The following TTLL10 variants were observed in gnomAD, a reference collection of about 807,000 sequenced individuals.
TTLL10 encodes inactive polyglycylase TTLL10.
Under a neutral mutation model 69.0 loss-of-function variants are expected in TTLL10, and 61 were observed. That is an observed-to-expected ratio of 0.88 (90% CI 0.72 to 1.09). The LOEUF (loss-of-function observed/expected upper bound fraction) is 1.09. Among genes scored for constraint, TTLL10 ranks in the 50% least tolerant of loss-of-function variants. The pLI is 0.00. For synonymous variants in TTLL10, 408 were observed against 393.3 expected, an observed-to-expected ratio of 1.04 and a Z score of -0.44; for missense variants, 962 against 945.9, an observed-to-expected ratio of 1.02 and a Z score of -0.22.
At chr1:1,196,366 C>T in intron 13 of TTLL10, 1 of 519,964 alleles carries the variant, frequency 1.9e-6, no homozygotes, top group Non-Finnish European at 3.5e-6. Flanking sequence ...TGTGAGTTTT[C>T]CTCACTCTCG....
Position 1,181,761 on chromosome 1 carries a change from C to A in TTLL10, c.776C>A (p.Ala259Glu). 6.2e-7 allele frequency: 1 copy of A among 1,606,716 alleles called. No individual in the cohort carries two copies. Among genetic ancestry groups the A allele is most frequent in the Non-Finnish European group, 8.5e-7 (1 of 1,177,752 alleles). ...TGCAGGCTGGAAAAGGACGCAGCAG[C>A]GCCCGCCCTGGAGGACCTCCCGTGG... ...VQARLEKDAA[A>E]PALEDLPWTS... Residue 259 changes from alanine to glutamate, a missense_variant, in exon 9 of 16, where the codon GCG (alanine) becomes GAG (glutamate). By Grantham distance (107) the Ala-to-Glu change is moderately radical (BLOSUM62 -1). Transcript: ENST00000379289. The surrounding 1 kb of genome is among the most constrained non-coding windows in gnomAD (Gnocchi z 4.6).
chr1:1,179,068 C>A, intron 3 of TTLL10, 121 bp from the exon 4 acceptor site: 1 of 651,966 alleles, frequency 1.5e-6, no homozygotes, highest in African/African-American at 1.9e-5. Context: ...CTCAAGCCCA[C>A]GGCCCTGGGA....
At chr1:1,180,010 G>A (rs956288725) in intron 5 of TTLL10, 24 bp from the exon 6 acceptor site, 34 of 1,499,626 alleles carry the variant, frequency 2.3e-5, no homozygotes, top group Middle Eastern at 1.8e-4. Flanking sequence ...TAGCCACCCC[G>A]GTGGGACCCC....
At position 1,180,282 on chromosome 1, in the gene TTLL10, C is replaced by A. The variant is rs757550852; in HGVS notation, c.448C>A (p.Pro150Thr). The stretch of plus-strand genomic sequence containing the variant: ...CCTGCTGGGGGGTGGGAAGCCATCG[C>A]CCCACAGCACCCGGCCGGGGCCCTT... ...GLLLGGGKPSPHSTRPGPFFY... is the reference protein window; with the variant it reads ...GLLLGGGKPSTHSTRPGPFFY... The change falls in exon 6 of 16, where the codon CCC becomes ACC. Residue 150 changes from proline to threonine, a missense_variant. By Grantham distance (38) the Pro-to-Thr change is conservative. Coordinates refer to ENST00000379289, the MANE Select transcript of TTLL10 (RefSeq NM_001130045.2). 6.3e-7 allele frequency: 1 copy of A among 1,593,376 alleles called. No homozygotes were observed. The highest frequency in any genetic ancestry group is 1.1e-5 in the South Asian group (1 of 88,450).
At position 1,181,009 on chromosome 1, in the gene TTLL10, A is replaced by AGCCCCTGCCCCGGCCCCTGAACCC; in HGVS notation, c.755+160_755+161insGGCCCCTGAACCCGCCCCTGCCCC. On this transcript the variant is annotated intron_variant, in intron 8 of 15. Coordinates refer to ENST00000379289, the MANE Select transcript of TTLL10 (RefSeq NM_001130045.2). This position sits in a 1 kb window ranked among gnomAD's most constrained non-coding sequence, Gnocchi z 4.6. ...CCACCCAGGCTCCCAGGCTGGCTCC[A>AGCCCCTGCCCCGGCCCCTGAACCC]GCCCCTGCCCCTGCCCTTGCCCCTG... is the stretch of plus-strand genomic sequence containing the variant. 1 of 592,980 alleles carries AGCCCCTGCCCCGGCCCCTGAACCC rather than the reference A, an allele frequency of 1.7e-6. No individual in the cohort carries two copies. Among genetic ancestry groups the AGCCCCTGCCCCGGCCCCTGAACCC allele is most frequent in the Non-Finnish European group, 2.5e-6 (1 of 396,478 alleles). 36.7% of individuals were successfully genotyped at this position (592,980 alleles called of 1,614,324 possible).
intron 8 of TTLL10, 111 bp downstream of exon 8, chr1:1,180,971 C>T (rs1345741271): frequency 2.3e-5 from 24 of 1,053,952 alleles, no homozygotes; most frequent in Middle Eastern, 6.6e-4. Context: ...CCTGCCCTTG[C>T]CCCTGCCCCT....
intron 3 of TTLL10, 64 bp downstream of exon 3, chr1:1,174,553 C>A (rs1221139295): frequency 6.6e-6 from 1 of 152,274 alleles, no homozygotes; most frequent in East Asian, 1.9e-4. Flanking sequence ...CGCCTTTACA[C>A]CGTGTCCCCA....
In TTLL10 at chr1:1,180,549, G is replaced by C; in HGVS notation, c.573G>C (p.Thr191=). The C allele has an allele frequency of 6.4e-7, 1 of 1,550,930 alleles. No individual in the cohort carries two copies. The change falls in exon 7 of 16, where the codon ACG becomes ACC. Residue 191 remains threonine (T), a synonymous_variant. Transcript: ENST00000379289. ...ATGACAGCCGCCGGGACGACTACAC[G>C]CTGAAGTGGTGTGAGGTCAAGAGCC... ...RIHDSRRDDY[T]LKWCEVKSRD...
At chr1:1,177,622 A>C (rs1320472298) in intron 3 of TTLL10, among the ~76,000 whole-genome samples, 3 of 151,804 alleles carry the variant, frequency 2.0e-5, no homozygotes, top group South Asian at 2.1e-4. Context: ...TCCTTGTGTC[A>C]CTCTTCTTCA....
rs1298314480 is a variant in TTLL10, at chr1:1,196,654, G to T, written c.1456G>T (p.Asp486Tyr). ...CTTTCTGGCCGCCAAGCCCAAGCTG[G>T]ACTGCAAGCTGGGTTACTTTGACCT... Reference protein sequence around the residue: ...HCFLAAKPKLDCKLGYFDLIG... With the variant: ...HCFLAAKPKLYCKLGYFDLIG... Residue 486 changes from aspartate (D) to tyrosine (Y), a missense_variant, in exon 14 of 16, where the codon GAC becomes TAC. Physicochemically the swap from Asp to Tyr is radical, Grantham distance 160. Transcript: ENST00000379289. 1.9e-5 allele frequency: 30 copies of T among 1,552,026 alleles called. No individual in the cohort carries two copies. Among genetic ancestry groups the T allele is most frequent in the Non-Finnish European group, 2.5e-5 (29 of 1,147,016 alleles).
chr1:1,184,671 G>A (rs965416249), intron 12 of TTLL10, among the ~76,000 whole-genome samples: 7 of 152,080 alleles, frequency 4.6e-5, no homozygotes, highest in African/African-American at 1.2e-4. Flanking sequence ...CTAGGTTAGG[G>A]GGATGTTCTC....
At chr1:1,186,631 A>T (rs1272924759) in intron 13 of TTLL10, among the ~76,000 whole-genome samples, 1 of 152,114 alleles carries the variant, frequency 6.6e-6, no homozygotes, top group Non-Finnish European at 1.5e-5. Context: ...GTTTCTCCAG[A>T]TCTCGCCAAC....
intron 13 of TTLL10, among the ~76,000 whole-genome samples, chr1:1,192,480 C>T (rs148527527): frequency 2.2e-3 from 157 of 72,478 alleles, no homozygotes; most frequent in African/African-American, 7.2e-3. Context: ...CACTCCAGTT[C>T]GTATCAGTGT....
chr1:1,197,747 G>A lies in TTLL10; in HGVS notation c.1922G>A (p.Gly641Asp), dbSNP rs1324633780. ...SAHDGEPQAP[G>D]TEQSGTGNRH... The stretch of plus-strand genomic sequence containing the variant: ...CACGATGGGGAGCCCCAGGCCCCGG[G>A]CACGGAGCAGTCGGGCACAGGCAAC... The change falls in exon 16 of 16, where the codon GGC (glycine) becomes GAC (aspartate). Residue 641 changes from glycine to aspartate, a missense_variant. Coordinates refer to ENST00000379289, the MANE Select transcript of TTLL10 (RefSeq NM_001130045.2). 1.3e-6 allele frequency: 2 copies of A among 1,534,930 alleles called. No individual in the cohort carries two copies. Among genetic ancestry groups the A allele is most frequent in the Admixed American group, 2.0e-5 (1 of 50,478 alleles).
intron 3 of TTLL10, among the ~76,000 whole-genome samples, chr1:1,177,914 C>T (rs1646924384): frequency 6.6e-6 from 1 of 152,152 alleles, no homozygotes; most frequent in Non-Finnish European, 1.5e-5. Context: ...AGGAAGAGGG[C>T]GTGAGGCTCT....
intron 14 of TTLL10, 22 bp from the exon 15 acceptor site, chr1:1,197,071 G>A (rs1053016278): frequency 1.9e-6 from 3 of 1,550,696 alleles, no homozygotes; most frequent in South Asian, 2.4e-5. Flanking sequence ...GGTGAGGAGG[G>A]ACTGACTGGC....
rs1377250243 is a variant in TTLL10, at chr1:1,181,910, C to T, written c.830+95C>T. ...AGGAGAAAGCGGGGCGGGGGTCCCA[C>T]ACAAAGGAAAACCACGAGCTAGAGT... On this transcript the variant is annotated intron_variant, in intron 9 of 15. Coordinates refer to ENST00000379289, the MANE Select transcript of TTLL10 (RefSeq NM_001130045.2). The surrounding 1 kb of genome is among the most constrained non-coding windows in gnomAD (Gnocchi z 4.6). 1.6e-6 allele frequency: 2 copies of T among 1,239,734 alleles called. No homozygotes were observed. The highest frequency in any genetic ancestry group is 1.4e-5 in the South Asian group (1 of 73,134). 76.8% of individuals were successfully genotyped at this position (1,239,734 alleles called of 1,614,324 possible).
chr1:1,180,460 A>ACCCCCCCC, intron 6 of TTLL10, 23 bp from the exon 7 acceptor site: 4 of 1,107,338 alleles, frequency 3.6e-6, no homozygotes, highest in Non-Finnish European at 1.3e-6. Context: ...CCCCCAGGTC[A>ACCCCCCCC]CCCCCGCCCC....
At chr1:1,177,124 G>A (rs905769510) in intron 3 of TTLL10, among the ~76,000 whole-genome samples, 4 of 151,760 alleles carry the variant, frequency 2.6e-5, no homozygotes, top group Non-Finnish European at 5.9e-5. Context: ...ACGTGTCTGT[G>A]TGTAGGTGTC....
Sources: allele counts gnomAD v4.1 joint callset (sites outside exome capture counted in the v4.1 genomes callset), GRCh38; gene constraint gnomAD v4.1.1; non-coding constraint Gnocchi (gnomAD v3.1); transcripts MANE v1.5; gene names NCBI Gene and HGNC (gene_info 2026-07-23, HGNC 2026-07-21).